The following DRC8 variants were observed in gnomAD, a reference collection of about 807,000 sequenced individuals.
DRC8 encodes the protein dynein regulatory complex protein 8.
the DRC8 span, among the ~76,000 whole-genome samples, chr1:244,992,318 C>G: frequency 6.6e-6 from 1 of 152,130 alleles, no homozygotes; most frequent in African/African-American, 2.4e-5. Context: ...ATACTGCCGC[C>G]ACAATAATTT....
chr1:244,992,135 A>G, the DRC8 span, among the ~76,000 whole-genome samples: 15 of 152,218 alleles, frequency 9.9e-5, no homozygotes, highest in Admixed American at 9.8e-4. Flanking sequence ...CAACAAGGAA[A>G]AACTTTTCTT....
At chr1:245,100,136 G>C in the DRC8 span, among the ~76,000 whole-genome samples, 4 of 152,190 alleles carry the variant, frequency 2.6e-5, no homozygotes, top group African/African-American at 9.7e-5. Flanking sequence ...TGTAATCCCA[G>C]CACTTTGGGA....
chr1:245,109,046 C>T, the DRC8 span, among the ~76,000 whole-genome samples: 4 of 152,094 alleles, frequency 2.6e-5, no homozygotes, highest in Admixed American at 1.3e-4. Context: ...GGAAGCAGGC[C>T]AGTAAAGGGT....
the DRC8 span, among the ~76,000 whole-genome samples, chr1:245,034,383 T>A: frequency 6.6e-6 from 1 of 151,972 alleles, no homozygotes; most frequent in East Asian, 1.9e-4. Context: ...GGCGAATCTT[T>A]TGAGGTCAGG....
At chr1:245,082,170 A>G in the DRC8 span, 1 of 1,605,916 alleles carries the variant, frequency 6.2e-7, no homozygotes, top group African/African-American at 1.3e-5. Flanking sequence ...AAAGTAAGTA[A>G]GTAAATGCAA....
chr1:245,064,405 G>A, the DRC8 span, among the ~76,000 whole-genome samples: 5 of 152,168 alleles, frequency 3.3e-5, no homozygotes, highest in African/African-American at 1.2e-4. Context: ...GGTAATGATA[G>A]TTCTTAACAA....
chr1:245,000,782 A>G, the DRC8 span, among the ~76,000 whole-genome samples: 186 of 11,390 alleles, frequency 0.016, 1 homozygote, highest in South Asian at 0.11. Context: ...CTCCATCTCA[A>G]AAAAAAAAAA....
the DRC8 span, chr1:244,970,279 C>G: frequency 1.3e-6 from 1 of 741,176 alleles, no homozygotes; most frequent in East Asian, 2.9e-5. Context: ...CCCGCCCCGC[C>G]CCGCCCAAGG....
the DRC8 span, among the ~76,000 whole-genome samples, chr1:245,071,515 A>G: frequency 2.0e-5 from 3 of 152,210 alleles, no homozygotes; most frequent in Non-Finnish European, 4.4e-5. Flanking sequence ...TGCTTTATGG[A>G]AGGCAGAACT....
chr1:245,020,795 T>C, the DRC8 span, among the ~76,000 whole-genome samples: 1 of 137,572 alleles, frequency 7.3e-6, no homozygotes, highest in African/African-American at 2.7e-5. Flanking sequence ...AATTTTCGTA[T>C]TTTTTTTTTT....
At chr1:245,100,310 C>T in the DRC8 span, among the ~76,000 whole-genome samples, 7 of 151,840 alleles carry the variant, frequency 4.6e-5, no homozygotes, top group African/African-American at 9.7e-5. Flanking sequence ...GCTTGAACCC[C>T]GGAGGCGGAG....
At chr1:245,039,883 T>C in the DRC8 span, among the ~76,000 whole-genome samples, 1 of 152,194 alleles carries the variant, frequency 6.6e-6, no homozygotes, top group South Asian at 2.1e-4. Context: ...AGGGAATACA[T>C]GATGTTGCTC....
the DRC8 span, among the ~76,000 whole-genome samples, chr1:245,004,711 T>C: frequency 1.3e-5 from 2 of 152,246 alleles, no homozygotes; most frequent in Non-Finnish European, 2.9e-5. Context: ...AGACATTTCC[T>C]TTCTAAGACA....
chr1:245,075,522 T>G, the DRC8 span: 1 of 152,250 alleles, frequency 6.6e-6, no homozygotes, highest in Admixed American at 6.5e-5. Context: ...TGTGTGGCAA[T>G]GAAGGCAGTA....
the DRC8 span, among the ~76,000 whole-genome samples, chr1:244,996,595 C>T: frequency 6.6e-6 from 1 of 152,118 alleles, no homozygotes; most frequent in African/African-American, 2.4e-5. Context: ...ATTTACAATC[C>T]AGAAAGGAAC....
chr1:245,070,601 T>C, the DRC8 span, among the ~76,000 whole-genome samples: 2 of 152,214 alleles, frequency 1.3e-5, no homozygotes. Flanking sequence ...AGTAAGCAGT[T>C]AGATTGGAAT....
chr1:245,035,199 T>TTTA, the DRC8 span, among the ~76,000 whole-genome samples: 1 of 144,296 alleles, frequency 6.9e-6, no homozygotes, highest in Non-Finnish European at 1.5e-5. Flanking sequence ...TTTTTTTTTT[T>TTTA]AAACAAATTG....
chr1:245,106,772 C>T, the DRC8 span, among the ~76,000 whole-genome samples: 38 of 152,212 alleles, frequency 2.5e-4, no homozygotes. Context: ...TGGCCTGGTG[C>T]AGTGGTTCAC....
the DRC8 span, among the ~76,000 whole-genome samples, chr1:244,997,327 C>G: frequency 6.6e-6 from 1 of 152,114 alleles, no homozygotes; most frequent in African/African-American, 2.4e-5. Context: ...TAGACTACCC[C>G]TCTCATCTCT....
Sources: allele counts gnomAD v4.1 joint callset (sites outside exome capture counted in the v4.1 genomes callset), GRCh38; gene constraint gnomAD v4.1.1; transcripts MANE v1.5; gene names NCBI Gene and HGNC (gene_info 2026-07-23, HGNC 2026-07-21).